WFDC13: variants seen among roughly 807,000 people sequenced by gnomAD.
WFDC13 encodes the protein WAP four-disulfide core domain 13, also known as WAP four-disulfide core domain protein 13.
A neutral mutation model predicts 10.9 loss-of-function variants in WFDC13; 6 were observed. The observed-to-expected ratio is 0.55, with a 90% CI of 0.30 to 1.09. WFDC13 has a LOEUF of 1.09. WFDC13 is among the 50% of genes least tolerant of loss of function. The probability of loss-of-function intolerance (pLI) is 0.06; values close to 1 mark genes in which losing one functional copy is unlikely to be tolerated. For missense variants in WFDC13, 104 were observed against 109.6 expected (o/e 0.95, Z 0.23); for synonymous variants, 38 against 39.5 (o/e 0.96, Z 0.14).
intron 1 of WFDC13, 81 bp downstream of exon 1, chr20:45,702,292 C>A: frequency 7.2e-7 from 1 of 1,388,582 alleles, no homozygotes. Context: ...TCTGTCACAC[C>A]TCTTGGAAAA....
At chr20:45,702,551 G>A (rs972754088) in intron 1 of WFDC13, among the ~76,000 whole-genome samples, 1 of 152,144 alleles carries the variant, frequency 6.6e-6, no homozygotes, top group African/African-American at 2.4e-5. Context: ...CTTGCTGCCC[G>A]TGGCTCCTTC....
chr20:45,704,025 AG>A (rs1238071253), intron 1 of WFDC13, among the ~76,000 whole-genome samples: 2 of 152,334 alleles, frequency 1.3e-5, no homozygotes, highest in East Asian at 3.9e-4. Context: ...GGTTAACCCC[AG>A]GGTAAACTAT....
At chr20:45,706,010 A>T in intron 3 of WFDC13, 83 bp downstream of exon 3, 1 of 1,192,766 alleles carries the variant, frequency 8.4e-7, no homozygotes, top group East Asian at 2.4e-5. Context: ...CACCAGGGGC[A>T]CTACATTCCC....
At chr20:45,702,516 G>C (rs1984208446) in intron 1 of WFDC13, among the ~76,000 whole-genome samples, 1 of 152,192 alleles carries the variant, frequency 6.6e-6, no homozygotes, top group Non-Finnish European at 1.5e-5. Context: ...CTGTAAATGT[G>C]ATCAGCCTCA....
chr20:45,704,355 G>A (rs1440586186), intron 1 of WFDC13, 89 bp from the exon 2 acceptor site: 10 of 1,516,800 alleles, frequency 6.6e-6, no homozygotes, highest in Admixed American at 6.3e-5. Context: ...AGGGTGGCAG[G>A]TTTCCTGGCA....
At chr20:45,704,140 C>T (rs1414629551) in intron 1 of WFDC13, among the ~76,000 whole-genome samples, 1 of 152,160 alleles carries the variant, frequency 6.6e-6, no homozygotes, top group African/African-American at 2.4e-5. Flanking sequence ...CCATTGATAC[C>T]CTTGATATGG....
At chr20:45,704,714 T>C in intron 2 of WFDC13, 120 bp downstream of exon 2, 1 of 1,444,914 alleles carries the variant, frequency 6.9e-7, no homozygotes, top group Admixed American at 2.2e-5. Flanking sequence ...TTGGTGGCCA[T>C]GTTGCCAACA....
chr20:45,702,294 C>T lies in WFDC13; in HGVS notation c.88+83C>T, dbSNP rs570304992. 3.0e-4 allele frequency: 410 copies of T among 1,373,176 alleles called. 4 individuals carry two copies. The South Asian group carries it at 4.9e-3, about 17-fold the overall frequency. 85.1% of individuals were successfully genotyped at this position (1,373,176 alleles called of 1,614,324 possible). A position where few individuals can be genotyped will look rare whatever the true frequency, so the allele number is the denominator to read the frequency against. On this transcript the variant is annotated intron_variant, in intron 1 of 3. Transcript: ENST00000305479. ...TGAGGGCTGACAGTCTGTCACACCT[C>T]TTGGAAAAATACCGTGTCATGTTCA... is the stretch of plus-strand genomic sequence containing the variant.
chr20:45,702,283 C>G (rs992629492), intron 1 of WFDC13, 72 bp downstream of exon 1: 1 of 1,425,790 alleles, frequency 7.0e-7, no homozygotes, highest in Admixed American at 2.0e-5. Context: ...GGCTGACAGT[C>G]TGTCACACCT....
chr20:45,704,010 T>C (rs1440908002), intron 1 of WFDC13, among the ~76,000 whole-genome samples: 1 of 152,260 alleles, frequency 6.6e-6, no homozygotes. Context: ...AAATAACCCA[T>C]GTTAGGTTAA....
intron 3 of WFDC13, among the ~76,000 whole-genome samples, chr20:45,706,636 A>G (rs1419874803): frequency 6.6e-6 from 1 of 152,074 alleles, no homozygotes; most frequent in East Asian, 1.9e-4. Context: ...GTTGGGTGTG[A>G]TGGTGCACAC....
chr20:45,708,706 G>A lies in WFDC13; in HGVS notation c.*871G>A, dbSNP rs1193236253. 2 of 152,078 alleles carry A rather than the reference G, an allele frequency of 1.3e-5. No homozygotes were observed. Among genetic ancestry groups the A allele is most frequent in the South Asian group, 2.1e-4 (1 of 4,824 alleles). 9.4% of individuals were successfully genotyped at this position (152,078 alleles called of 1,614,324 possible). ...AGGTATTTAAAATAATAATAATAAAGTGTTATTTTCCTGGGATTCATGATA... is the reference window on the plus strand; with the variant it reads ...AGGTATTTAAAATAATAATAATAAAATGTTATTTTCCTGGGATTCATGATA... On this transcript the variant is annotated 3_prime_UTR_variant, in exon 4 of 4. Transcript: ENST00000305479.
rs756967594 is a variant in WFDC13, at chr20:45,702,087, C to A, written c.-37C>A. The stretch of plus-strand genomic sequence containing the variant: ...GCAGTGCCTGGTCAAACCCAGCAAC[C>A]CTTGGCCAGAACTTACTCACCCATC... On this transcript the variant is annotated 5_prime_UTR_variant, in exon 1 of 4. Transcript: ENST00000305479. 8 of 1,597,226 alleles carry A rather than the reference C, an allele frequency of 5.0e-6. No homozygotes were observed. The highest frequency in any genetic ancestry group is 3.4e-6 in the Non-Finnish European group (4 of 1,170,550).
chr20:45,705,044 T>C lies in WFDC13; in HGVS notation c.239+450T>C, dbSNP rs915937021. The C allele has an allele frequency of 5.7e-6, 9 of 1,575,402 alleles. No homozygotes were observed. The Admixed American group carries it at 1.3e-4, about 23-fold the overall frequency. On this transcript the variant is annotated intron_variant, in intron 2 of 3. Transcript: ENST00000305479. ...TGGAGATCCAGCCCAAAGGAAGTTTTGATTAATTGTCCAGACATTAACACT... is the reference window on the plus strand; with the variant it reads ...TGGAGATCCAGCCCAAAGGAAGTTTCGATTAATTGTCCAGACATTAACACT...
intron 3 of WFDC13, among the ~76,000 whole-genome samples, chr20:45,706,926 G>A (rs1049297716): frequency 1.3e-5 from 2 of 152,226 alleles, no homozygotes; most frequent in African/African-American, 4.8e-5. Context: ...GAAAGAAAAA[G>A]TTAGAAGTTT....
intron 3 of WFDC13, 77 bp downstream of exon 3, chr20:45,706,004 AGG>A: frequency 7.9e-7 from 1 of 1,262,132 alleles, no homozygotes; most frequent in Non-Finnish European, 1.1e-6. Flanking sequence ...TAGCCTCACC[AGG>A]GGCACTACAT....
chr20:45,705,323 G>T (rs1031830402), intron 2 of WFDC13: 2 of 362,220 alleles, frequency 5.5e-6, no homozygotes, highest in Admixed American at 4.1e-5. Flanking sequence ...TTTGAGGGAA[G>T]CCTGGCAGTC....
intron 3 of WFDC13, among the ~76,000 whole-genome samples, chr20:45,706,624 T>C (rs554508236): frequency 3.0e-4 from 46 of 151,990 alleles, no homozygotes; most frequent in African/African-American, 1.0e-3. Context: ...ATACAAAAAT[T>C]AGTTGGGTGT....
intron 1 of WFDC13, among the ~76,000 whole-genome samples, chr20:45,704,046 G>A (rs890871193): frequency 6.6e-6 from 1 of 152,174 alleles, no homozygotes; most frequent in East Asian, 1.9e-4. Context: ...TGTTGTTAAT[G>A]AGAAGCTCTA....
Sources: gnomAD v4.1 joint callset for allele counts (sites outside exome capture counted in the v4.1 genomes callset) on GRCh38, gnomAD v4.1.1 for gene constraint, MANE v1.5 for transcripts, NCBI Gene and HGNC (gene_info 2026-07-23, HGNC 2026-07-21) for gene names.